The following DOCK3 variants were observed in gnomAD, a reference collection of about 807,000 sequenced individuals.
DOCK3 encodes the protein dedicator of cytokinesis protein 3.
Under a neutral mutation model 265.6 loss-of-function variants are expected in DOCK3, and 60 were observed. That is an observed-to-expected ratio of 0.23 (90% CI 0.18 to 0.28). The LOEUF is 0.28. Among genes scored for constraint, DOCK3 ranks in the 10% least tolerant of loss-of-function variants. The probability of loss-of-function intolerance (pLI) is 1.00; values close to 1 mark genes in which losing one functional copy is unlikely to be tolerated. For synonymous variants in DOCK3, 881 were observed against 938.0 expected (o/e 0.94, Z 1.11); for missense variants, 1,981 against 2,594.3 (o/e 0.76, Z 5.14).
chr3:50,686,026 T>C (rs1576087231), intron 1 of DOCK3, among the ~76,000 whole-genome samples: 1 of 152,160 alleles, frequency 6.6e-6, no homozygotes, highest in Non-Finnish European at 1.5e-5. Flanking sequence ...GAGGGGATGG[T>C]TTCAGGATGA....
chr3:50,712,393 A>G (rs1176521796), intron 1 of DOCK3, among the ~76,000 whole-genome samples: 2 of 152,178 alleles, frequency 1.3e-5, no homozygotes, highest in Non-Finnish European at 2.9e-5. Context: ...GCTGTAGTGC[A>G]GTGGCATGAT....
At chr3:51,378,620 A>G (rs564679363) in intron 51 of DOCK3, among the ~76,000 whole-genome samples, 62 of 152,334 alleles carry the variant, frequency 4.1e-4, no homozygotes, top group Middle Eastern at 3.4e-3. Context: ...CAACAGAGAA[A>G]GGACATATTT....
At chr3:51,083,376 C>A (rs563642257) in intron 7 of DOCK3, among the ~76,000 whole-genome samples, 1 of 152,090 alleles carries the variant, frequency 6.6e-6, no homozygotes, top group Admixed American at 6.5e-5. Context: ...TGTAAGGACA[C>A]AAGAAACATA....
chr3:50,909,671 T>C, intron 4 of DOCK3, among the ~76,000 whole-genome samples: 1 of 137,500 alleles, frequency 7.3e-6, no homozygotes, highest in Non-Finnish European at 1.5e-5. Context: ...CATTTTGACC[T>C]TGGAGAATCT....
In DOCK3 at chr3:51,325,842, C is replaced by T. The variant is rs373299497; in HGVS notation, c.3403-4296C>T. Among the ~76,000 whole-genome samples the T allele has an allele frequency of 5.3e-4, 81 of 152,194 alleles. No individual in the cohort carries two copies. In the East Asian group the frequency reaches 0.013, roughly 24 times the overall value. ...AAACCAAACACTGCATGTTCTCACT[C>T]ATAAGTGGGAGCTGAACAATGAGAA... is the stretch of plus-strand genomic sequence containing the variant. On this transcript the variant is annotated intron_variant, in intron 32 of 52. Transcript: ENST00000266037.
chr3:50,820,141 G>A (rs1006174481), intron 2 of DOCK3, among the ~76,000 whole-genome samples: 1 of 152,156 alleles, frequency 6.6e-6, no homozygotes, highest in Non-Finnish European at 1.5e-5. Flanking sequence ...TACTCAGGCA[G>A]CCCATGCCGC....
intron 12 of DOCK3, among the ~76,000 whole-genome samples, chr3:51,198,258 A>C (rs1422070647): frequency 1.4e-4 from 21 of 152,218 alleles, no homozygotes; most frequent in Admixed American, 1.4e-3. Context: ...CTGCTTCTGC[A>C]CCTTGCACAC....
intron 22 of DOCK3, among the ~76,000 whole-genome samples, chr3:51,247,713 A>T (rs1369839490): frequency 6.6e-6 from 1 of 152,166 alleles, no homozygotes; most frequent in Non-Finnish European, 1.5e-5. Context: ...GTCCTCTTTC[A>T]TACAAATGCC....
chr3:51,089,847 C>T (rs770366323), intron 8 of DOCK3, among the ~76,000 whole-genome samples: 9 of 138,038 alleles, frequency 6.5e-5, no homozygotes, highest in Admixed American at 4.0e-4. Flanking sequence ...TGCAGTGAGC[C>T]GAGATCATGC....
Position 50,834,095 on chromosome 3 carries a change from C to A in DOCK3, c.122-7580C>A, listed in dbSNP as rs560792094. Among the ~76,000 whole-genome samples, 4 of 151,890 alleles carry A rather than the reference C, an allele frequency of 2.6e-5. 1 individual carries two copies. The South Asian group carries it at 8.3e-4, about 32-fold the overall frequency. ...GTTAACTCCTCTTCTGCTTGATATT[C>A]ATGAACATTTCAGCTCTCCAGGAGA... On this transcript the variant is annotated intron_variant, in intron 2 of 52. Coordinates refer to ENST00000266037, the MANE Select transcript of DOCK3 (RefSeq NM_004947.5).
intron 2 of DOCK3, among the ~76,000 whole-genome samples, chr3:50,779,848 G>T (rs2108521354): frequency 6.6e-6 from 1 of 152,302 alleles, no homozygotes; most frequent in East Asian, 1.9e-4. Flanking sequence ...CAAAATCAGA[G>T]TATTAACAAA....
chr3:51,042,884 C>G (rs933838253), intron 5 of DOCK3, among the ~76,000 whole-genome samples: 1 of 152,048 alleles, frequency 6.6e-6, no homozygotes, highest in Non-Finnish European at 1.5e-5. Context: ...TACAGCTAAT[C>G]AGGGAGGTTG....
At chr3:51,178,194 T>G (rs1328441496) in intron 12 of DOCK3, among the ~76,000 whole-genome samples, 1 of 152,168 alleles carries the variant, frequency 6.6e-6, no homozygotes, top group East Asian at 1.9e-4. Flanking sequence ...AGGTGAAAGA[T>G]ATGAAATGGG....
chr3:51,232,776 T>C (rs1422246874), intron 19 of DOCK3, among the ~76,000 whole-genome samples: 2 of 152,218 alleles, frequency 1.3e-5, no homozygotes, highest in Non-Finnish European at 1.5e-5. Context: ...TGGATACTAA[T>C]CATTTGTTGC....
chr3:51,249,449 T>G (rs1232074954), intron 22 of DOCK3, among the ~76,000 whole-genome samples: 2 of 103,496 alleles, frequency 1.9e-5, no homozygotes, highest in Admixed American at 9.3e-5. Flanking sequence ...CCGCCCCTAC[T>G]GGGAAGTGAG....
intron 12 of DOCK3, among the ~76,000 whole-genome samples, chr3:51,203,653 G>A (rs1417330039): frequency 6.6e-6 from 1 of 152,028 alleles, no homozygotes; most frequent in East Asian, 1.9e-4. Context: ...TCACAGAATT[G>A]GAAAAAACTA....
intron 45 of DOCK3, 27 bp from the exon 46 acceptor site, chr3:51,357,934 G>C (rs2086470860): frequency 6.2e-7 from 1 of 1,613,722 alleles, no homozygotes; most frequent in Non-Finnish European, 8.5e-7. Flanking sequence ...ATGGTTCACA[G>C]AGTGGCCTTG....
In DOCK3 at chr3:51,357,117, T is replaced by A; in HGVS notation, c.4659T>A (p.Asn1553Lys). ...CLNGVIDAAV[N>K]GGIARYQEAF... is the part of the protein sequence containing the mutation. ...ATGGTGTCATTGATGCAGCTGTCAA[T>A]GGAGGCATTGCACGCTATCAGGAGG... Residue 1553 changes from asparagine to lysine, a missense_variant, in exon 44 of 53, where the codon AAT becomes AAA. Around this residue, in one of 4 missense-constraint regions of DOCK3, gnomAD observed 1,357 missense variants for 1,866.8 expected, o/e 0.73. Transcript: ENST00000266037. The A allele has an allele frequency of 6.2e-7, 1 of 1,612,452 alleles. No individual in the cohort carries two copies. Among genetic ancestry groups the A allele is most frequent in the Non-Finnish European group, 8.5e-7 (1 of 1,179,844 alleles).
At chr3:50,992,685 T>C (rs180673658) in intron 5 of DOCK3, among the ~76,000 whole-genome samples, 1 of 152,254 alleles carries the variant, frequency 6.6e-6, no homozygotes, top group East Asian at 1.9e-4. Flanking sequence ...ATAAATGTAA[T>C]TGGGAATGAT....
Sources: gnomAD v4.1 joint callset for allele counts (sites outside exome capture counted in the v4.1 genomes callset) on GRCh38, gnomAD v4.1.1 for gene constraint, gnomAD v4.1.1 regional missense constraint, MANE v1.5 for transcripts, NCBI Gene and HGNC (gene_info 2026-07-23, HGNC 2026-07-21) for gene names.